The following ACAN variants were observed in gnomAD, a reference collection of about 807,000 sequenced individuals.
The protein encoded by ACAN is aggrecan core protein.
Under a neutral mutation model 169.1 loss-of-function variants are expected in ACAN, and 47 were observed. The ratio of observed to expected loss-of-function variants is 0.28; its 90% CI spans 0.22 to 0.35. The LOEUF is 0.35. Among genes scored for constraint, ACAN ranks in the 10% least tolerant of loss-of-function variants. ACAN has a pLI of 1.00. For synonymous variants in ACAN, 1,115 were observed against 1,112.2 expected (o/e 1.00, Z -0.05); for missense variants, 2,716 against 2,759.9 (o/e 0.98, Z 0.36).
rs1897411166 is a variant in ACAN, at chr15:88,872,750, A to G, written c.7303-131A>G. On this transcript the variant is annotated intron_variant, in intron 16 of 18. Coordinates refer to ENST00000560601, the MANE Select transcript of ACAN (RefSeq NM_001369268.1). The surrounding 1 kb of genome is among the most constrained non-coding windows in gnomAD (Gnocchi z 5.4). ...GATTCCCAGCAGTTTTTGTGCTGCT[A>G]TCAGATGAGCCTGAAGTTGGTGCTA... 8.5e-7 allele frequency: 1 copy of G among 1,176,342 alleles called. No individual in the cohort carries two copies. The highest frequency in any genetic ancestry group is 2.5e-5 in the Admixed American group (1 of 39,860). The allele number at this position is 1,176,342 out of a possible 1,614,324, so 72.9% of individuals were successfully genotyped here.
At position 88,871,474 on chromosome 15, in the gene ACAN, C is replaced by A. The variant is rs1428837585; in HGVS notation, c.7153C>A (p.Arg2385=). The A allele has an allele frequency of 1.2e-6, 2 of 1,613,774 alleles. No homozygotes were observed. Among genetic ancestry groups the A allele is most frequent in the Non-Finnish European group, 8.5e-7 (1 of 1,179,854 alleles). ...DRETWVDAER[R]CREQQSHLSS... is the part of the protein sequence containing the mutation. ...CGAGACCTGGGTGGATGCTGAGCGC[C>A]GGTGTCGGGAGCAGCAGTCACACCT... Residue 2385 remains arginine (R), a synonymous_variant, in exon 15 of 19, where the codon CGG becomes AGG. Coordinates refer to ENST00000560601, the MANE Select transcript of ACAN (RefSeq NM_001369268.1). The surrounding 1 kb of genome is among the most constrained non-coding windows in gnomAD (Gnocchi z 7.8).
Position 88,843,673 on chromosome 15 carries a change from G to T in ACAN, c.1051+25G>T, listed in dbSNP as rs1056937577. 1 of 1,542,790 alleles carries T rather than the reference G, an allele frequency of 6.5e-7. No homozygotes were observed. The highest frequency in any genetic ancestry group is 1.4e-5 in the African/African-American group (1 of 73,792). The stretch of plus-strand genomic sequence containing the variant: ...GGTGGGGCACGGCTGGTGGTGGGAA[G>T]GGAGTTCATGCCACTAAAATGGGGT... On this transcript the variant is annotated intron_variant, in intron 6 of 18. Transcript: ENST00000560601. The surrounding 1 kb of genome is among the most constrained non-coding windows in gnomAD (Gnocchi z 4.0).
chr15:88,841,144 C>CA (rs1271547013), intron 4 of ACAN, among the ~76,000 whole-genome samples: 1 of 152,272 alleles, frequency 6.6e-6, no homozygotes, highest in East Asian at 1.9e-4. Context: ...GACTCCGTCT[C>CA]AAAAAATAAA....
chr15:88,836,117 C>T (rs17200030), intron 1 of ACAN, 83 bp from the exon 2 acceptor site: 17,462 of 970,698 alleles, frequency 0.018, 223 homozygotes, highest in Non-Finnish European at 0.025. Flanking sequence ...GGAATTATCA[C>T]TTTGCATCAT....
chr15:88,819,874 T>A (rs961898314), intron 1 of ACAN, among the ~76,000 whole-genome samples: 1 of 152,160 alleles, frequency 6.6e-6, no homozygotes, highest in African/African-American at 2.4e-5. Flanking sequence ...GCCCCTAGCA[T>A]CATTCCTGGC....
rs7165219 is a variant in ACAN, at chr15:88,862,663, G to A, written c.6946+2224G>A. ...TGGCCAGTCTTCACGGGTGACCCAC[G>A]ATTGTCTTGCACCACAATCAGGAAC... On this transcript the variant is annotated intron_variant, in intron 13 of 18. Transcript: ENST00000560601. Among the ~76,000 whole-genome samples, 1,090 of 152,188 alleles carry A rather than the reference G, an allele frequency of 7.2e-3. 3 individuals are homozygous for A. The highest frequency in any genetic ancestry group is 9.3e-3 in the Non-Finnish European group (636 of 68,024).
rs745380015 is a variant in ACAN, at chr15:88,839,966, G to A, written c.455-46G>A. On this transcript the variant is annotated intron_variant, in intron 3 of 18. Transcript: ENST00000560601. The surrounding 1 kb of genome is among the most constrained non-coding windows in gnomAD (Gnocchi z 4.5). The stretch of plus-strand genomic sequence containing the variant: ...GCGAGGGCCTCGGTGATCAGAGACT[G>A]TGCCTGACCAGCTCTTCCGCTTGTG... 3.2e-6 allele frequency: 5 copies of A among 1,563,296 alleles called. No individual in the cohort carries two copies. Among genetic ancestry groups the A allele is most frequent in the Non-Finnish European group, 2.6e-6 (3 of 1,151,616 alleles).
At position 88,840,241 on chromosome 15, in the gene ACAN, T is replaced by C. The variant is rs1896617369; in HGVS notation, c.629+55T>C. ...CCAGGAGTCAGCAGCCACAGGGGAG[T>C]GGGGCGGGTGCTGGGTGGAACGTTG... On this transcript the variant is annotated intron_variant, in intron 4 of 18. Coordinates refer to ENST00000560601, the MANE Select transcript of ACAN (RefSeq NM_001369268.1). The C allele has an allele frequency of 8.7e-6, 13 of 1,500,348 alleles. 1 individual carries two copies. The South Asian group carries it at 1.7e-4, about 20-fold the overall frequency. 92.9% of individuals were successfully genotyped at this position (1,500,348 alleles called of 1,614,324 possible).
chr15:88,812,416 A>G (rs1265198402), intron 1 of ACAN, among the ~76,000 whole-genome samples: 3 of 152,098 alleles, frequency 2.0e-5, no homozygotes, highest in Non-Finnish European at 4.4e-5. Flanking sequence ...AGAGGCATTT[A>G]GAAGACCTTA....
Position 88,874,584 on chromosome 15 carries a change from T to C in ACAN, c.*103T>C, listed in dbSNP as rs1431985049. The C allele has an allele frequency of 9.0e-7, 1 of 1,114,554 alleles. No individual in the cohort carries two copies. The highest frequency in any genetic ancestry group is 1.3e-5 in the South Asian group (1 of 74,922). The allele number at this position is 1,114,554 out of a possible 1,614,324, so 69.0% of individuals were successfully genotyped here. ...CCTCTTCTTGTCGCTTTTTGTCATA[T>C]AAGGAATCCCATTAAAGAAGGAAAA... On this transcript the variant is annotated 3_prime_UTR_variant, in exon 19 of 19. Coordinates refer to ENST00000560601, the MANE Select transcript of ACAN (RefSeq NM_001369268.1). This position sits in a 1 kb window ranked among gnomAD's most constrained non-coding sequence, Gnocchi z 7.3.
rs938608 is a variant in ACAN, at chr15:88,855,374, G to T, written c.2789G>T (p.Ser930Ile). The change falls in exon 12 of 19, where the codon AGC (serine) becomes ATC (isoleucine). Residue 930 changes from serine to isoleucine, a missense_variant. This residue lies in a region of ACAN where 1,283 missense variants were observed against 1,281.5 expected (regional missense o/e 1.00). Transcript: ENST00000560601. ...GATGAAGAGAGAATTGAGTGGCCCA[G>T]CACTCCTACGGTTGGTGAACTGCCC... is the stretch of plus-strand genomic sequence containing the variant. ...SGDEERIEWP[S>I]TPTVGELPSG... 0.6 allele frequency: 971,002 copies of T among 1,612,482 alleles called. 300,432 individuals are homozygous for T. Among genetic ancestry groups the T allele is most frequent in the Non-Finnish European group, 0.65 (761,811 of 1,179,086 alleles).
intron 1 of ACAN, among the ~76,000 whole-genome samples, chr15:88,810,867 C>T (rs1474748099): frequency 6.6e-6 from 1 of 152,156 alleles, no homozygotes; most frequent in East Asian, 1.9e-4. Context: ...AGTTTGTCAA[C>T]TCCTAGTTTA....
chr15:88,838,146 G>T lies in ACAN; in HGVS notation c.71-517G>T, dbSNP rs924242906. On this transcript the variant is annotated intron_variant, in intron 2 of 18. Coordinates refer to ENST00000560601, the MANE Select transcript of ACAN (RefSeq NM_001369268.1). The surrounding 1 kb of genome is among the most constrained non-coding windows in gnomAD (Gnocchi z 5.1). ...CCCAAACAGCAGAAGAGAGTGACTT[G>T]TCCCGGTGGCAAAATCAGGCTCGCA... Among the ~76,000 whole-genome samples, 3 of 152,044 alleles carry T rather than the reference G, an allele frequency of 2.0e-5. No homozygotes were observed. The highest frequency in any genetic ancestry group is 2.9e-5 in the Non-Finnish European group (2 of 68,022).
Position 88,858,395 on chromosome 15 carries a change from T to G in ACAN, c.5810T>G (p.Val1937Gly), listed in dbSNP as rs1897112229. 2.5e-6 allele frequency: 4 copies of G among 1,613,630 alleles called. No homozygotes were observed. In the African/African-American group the frequency reaches 5.3e-5, roughly 22 times the overall value. ...TPSSFPTVSL[V>G]DRTLVESVTQ... ...TCTAGTTTCCCCACTGTCTCTCTTGTAGACAGAACTTTGGTGGAATCTGTA... is the reference window on the plus strand; with the variant it reads ...TCTAGTTTCCCCACTGTCTCTCTTGGAGACAGAACTTTGGTGGAATCTGTA... Residue 1937 changes from valine (V) to glycine (G), a missense_variant, in exon 12 of 19, where the codon GTA (valine) becomes GGA (glycine). This residue lies in a region of ACAN where 1,389 missense variants were observed against 1,363.7 expected (regional missense o/e 1.02). Transcript: ENST00000560601. The surrounding 1 kb of genome is among the most constrained non-coding windows in gnomAD (Gnocchi z 4.0).
At chr15:88,811,623 G>A (rs562723014) in intron 1 of ACAN, among the ~76,000 whole-genome samples, 4 of 152,268 alleles carry the variant, frequency 2.6e-5, no homozygotes, top group Non-Finnish European at 4.4e-5. Context: ...TGACCCCAGG[G>A]GATTCCTGCC....
At chr15:88,853,785 C>CATAT (rs57387700) in intron 11 of ACAN, among the ~76,000 whole-genome samples, 6 of 151,258 alleles carry the variant, frequency 4.0e-5, no homozygotes, top group African/African-American at 1.5e-4. Context: ...TACATACATA[C>CATAT]GTACATACAT....
intron 13 of ACAN, among the ~76,000 whole-genome samples, chr15:88,863,084 G>A (rs1056137492): frequency 6.6e-6 from 1 of 151,746 alleles, no homozygotes; most frequent in African/African-American, 2.4e-5. Context: ...GATTCCTGCA[G>A]TAATATTTGA....
chr15:88,824,279 G>A (rs1182562315), intron 1 of ACAN, among the ~76,000 whole-genome samples: 3 of 151,414 alleles, frequency 2.0e-5, no homozygotes, highest in East Asian at 3.9e-4. Flanking sequence ...AGCCAAGATT[G>A]CGCCACTGCA....
intron 1 of ACAN, among the ~76,000 whole-genome samples, chr15:88,813,785 A>G (rs923233219): frequency 2.0e-5 from 3 of 152,008 alleles, no homozygotes; most frequent in African/African-American, 7.3e-5. Context: ...CTCCCTGGCT[A>G]CTCAGCCTTC....
Sources: allele counts gnomAD v4.1 joint callset (sites outside exome capture counted in the v4.1 genomes callset), GRCh38; gene constraint gnomAD v4.1.1; regional missense constraint gnomAD v4.1.1; non-coding constraint Gnocchi (gnomAD v3.1); transcripts MANE v1.5; gene names NCBI Gene and HGNC (gene_info 2026-07-23, HGNC 2026-07-21).